Variants in ERN1 observed in about 807,000 individuals in gnomAD.
The protein encoded by ERN1 is endoplasmic reticulum to nucleus signaling 1.
A neutral mutation model predicts 113.1 loss-of-function variants in ERN1; 39 were observed. The ratio of observed to expected loss-of-function variants is 0.34; its 90% CI spans 0.27 to 0.45. ERN1 has a LOEUF of 0.45. Among genes scored for constraint, ERN1 ranks in the 20% least tolerant of loss-of-function variants. The pLI, the probability that ERN1 is intolerant of heterozygous loss-of-function variation, is 1.00. For missense variants in ERN1, 976 were observed against 1,274.8 expected, an observed-to-expected ratio of 0.77 and a Z score of 3.57; for synonymous variants, 507 against 515.9, an observed-to-expected ratio of 0.98 and a Z score of 0.23.
At chr17:64,089,647 A>G (rs1473247093) in intron 2 of ERN1, among the ~76,000 whole-genome samples, 1 of 152,190 alleles carries the variant, frequency 6.6e-6, no homozygotes, top group African/African-American at 2.4e-5. Context: ...AAATGAAGGG[A>G]AAAAGGGAGA....
chr17:64,075,162 C>T lies in ERN1; in HGVS notation c.355+13G>A, dbSNP rs763774324. 20 of 1,539,492 alleles carry T rather than the reference C, an allele frequency of 1.3e-5. No individual in the cohort carries two copies. Among genetic ancestry groups the T allele is most frequent in the Non-Finnish European group, 1.5e-5 (17 of 1,138,794 alleles). On this transcript the variant is annotated intron_variant, in intron 5 of 21. Transcript: ENST00000433197. ...TCAAAGAGACACAAGTTTCTGGAGA[C>T]AGGAACTCTTACCCATGTAGAGGAT...
At chr17:64,101,082 A>G (rs1202292215) in intron 1 of ERN1, among the ~76,000 whole-genome samples, 1 of 151,566 alleles carries the variant, frequency 6.6e-6, no homozygotes, top group Non-Finnish European at 1.5e-5. Flanking sequence ...CCCACCACAC[A>G]CCCAATGAGG....
At chr17:64,103,519 T>C (rs548051991) in intron 1 of ERN1, among the ~76,000 whole-genome samples, 8 of 139,366 alleles carry the variant, frequency 5.7e-5, no homozygotes, top group Non-Finnish European at 1.1e-4. Context: ...AAAAAAGCAA[T>C]GTTACACAAA....
rs1372100454 is a variant in ERN1, at chr17:64,068,197, C to T, written c.573G>A (p.Val191=). ...DYAASLPEDD[V]DYKMSHFVSN... is the part of the protein sequence containing the mutation. Reference sequence around the variant, plus strand: ...CCAGCAGAGAGCACTTACTGTAGTCCACGTCGTCCTCAGGCAGTGAGGCCG... The same window carrying T: ...CCAGCAGAGAGCACTTACTGTAGTCTACGTCGTCCTCAGGCAGTGAGGCCG... The change falls in exon 7 of 22, where the codon GTG becomes GTA. Residue 191 remains valine, a synonymous_variant. Coordinates refer to ENST00000433197, the MANE Select transcript of ERN1 (RefSeq NM_001433.5). The T allele has an allele frequency of 6.2e-7, 1 of 1,606,982 alleles. No individual in the cohort carries two copies.
chr17:64,071,285 C>T (rs1297746022), intron 6 of ERN1, among the ~76,000 whole-genome samples: 2 of 152,150 alleles, frequency 1.3e-5, no homozygotes, highest in Non-Finnish European at 2.9e-5. Context: ...CTTTTGAGTA[C>T]AGTTGTGAGA....
chr17:64,048,527 T>C (rs1287392708), intron 18 of ERN1, among the ~76,000 whole-genome samples: 1 of 152,154 alleles, frequency 6.6e-6, no homozygotes, highest in Non-Finnish European at 1.5e-5. Flanking sequence ...TTAGTTGTAA[T>C]TTTTTCAAAA....
chr17:64,045,576 T>G (rs1912488113), intron 19 of ERN1, 94 bp from the exon 20 acceptor site: 1 of 1,539,146 alleles, frequency 6.5e-7, no homozygotes, highest in African/African-American at 1.4e-5. Context: ...CACTGACACA[T>G]AAGCCTGCCC....
In ERN1 at chr17:64,119,376, G is replaced by GTTGTTTTTTT. The variant is rs777806993; in HGVS notation, c.54+10599_54+10600insAAAAAAACAA. ...TAATATTAGGTTCCTTTTTTTCTAG[G>GTTGTTTTTTT]TTTTTTTTTTTTTTTTTTTTTTTTT... On this transcript the variant is annotated intron_variant, in intron 1 of 21. Transcript: ENST00000433197. Among the ~76,000 whole-genome samples the GTTGTTTTTTT allele has an allele frequency of 2.2e-4, 17 of 77,910 alleles. 3 individuals carry two copies. The highest frequency in any genetic ancestry group is 4.5e-4 in the African/African-American group (8 of 17,952). 51.1% of individuals were successfully genotyped at this position (77,910 alleles called of 152,430 possible).
chr17:64,041,438 G>A lies in ERN1; in HGVS notation c.*2550C>T, dbSNP rs1488559149. 3.3e-5 allele frequency: 5 copies of A among 152,332 alleles called. No individual in the cohort carries two copies. Among genetic ancestry groups the A allele is most frequent in the South Asian group, 2.1e-4 (1 of 4,828 alleles). The allele number at this position is 152,332 out of a possible 1,614,324, so 9.4% of individuals were successfully genotyped here. A position where few individuals can be genotyped will look rare whatever the true frequency, so the allele number is the denominator to read the frequency against. On this transcript the variant is annotated 3_prime_UTR_variant, in exon 22 of 22. Coordinates refer to ENST00000433197, the MANE Select transcript of ERN1 (RefSeq NM_001433.5). Reference sequence around the variant, plus strand: ...TGATGGTGCAGAGCTGTTCTGGCCTGAAAAGAACTTTCCACTTGCTGAGCA... The same window carrying A: ...TGATGGTGCAGAGCTGTTCTGGCCTAAAAAGAACTTTCCACTTGCTGAGCA...
At chr17:64,099,219 C>T (rs1420409908) in intron 1 of ERN1, among the ~76,000 whole-genome samples, 3 of 151,444 alleles carry the variant, frequency 2.0e-5, no homozygotes, top group Non-Finnish European at 4.4e-5. Flanking sequence ...TATACATTAT[C>T]AATTAAATAT....
chr17:64,046,462 A>G (rs1014223833), intron 19 of ERN1, among the ~76,000 whole-genome samples: 1 of 152,220 alleles, frequency 6.6e-6, no homozygotes, highest in East Asian at 1.9e-4. Flanking sequence ...TTTGCGATCA[A>G]AATGACCTGG....
intron 8 of ERN1, among the ~76,000 whole-genome samples, chr17:64,066,147 C>T (rs1913217572): frequency 1.3e-5 from 2 of 152,126 alleles, no homozygotes; most frequent in Admixed American, 1.3e-4. Context: ...GTCTTGGACA[C>T]ACACACACAC....
intron 2 of ERN1, among the ~76,000 whole-genome samples, chr17:64,084,071 T>C (rs1283065921): frequency 6.6e-6 from 1 of 152,098 alleles, no homozygotes; most frequent in Non-Finnish European, 1.5e-5. Context: ...AGTGGGGTTC[T>C]AGGCTCCCCT....
At chr17:64,099,822 A>G (rs1045466465) in intron 1 of ERN1, among the ~76,000 whole-genome samples, 1 of 152,034 alleles carries the variant, frequency 6.6e-6, no homozygotes, top group Admixed American at 6.5e-5. Context: ...CAACGGAGGG[A>G]GTGAAACAGC....
At chr17:64,091,732 C>T (rs781225206) in intron 2 of ERN1, among the ~76,000 whole-genome samples, 23 of 152,078 alleles carry the variant, frequency 1.5e-4, no homozygotes, top group Non-Finnish European at 2.2e-4. Context: ...AGTAGGGCAC[C>T]TGCTGGGCAG....
intron 5 of ERN1, among the ~76,000 whole-genome samples, chr17:64,073,782 C>A (rs1374831426): frequency 6.6e-6 from 1 of 152,212 alleles, no homozygotes; most frequent in Non-Finnish European, 1.5e-5. Flanking sequence ...TGAGCCACTG[C>A]ACCTGGCCTA....
At chr17:64,047,407 A>C (rs1186203088) in intron 19 of ERN1, among the ~76,000 whole-genome samples, 1 of 152,198 alleles carries the variant, frequency 6.6e-6, no homozygotes, top group Non-Finnish European at 1.5e-5. Context: ...CTTGAATGAA[A>C]TTATATGATG....
In ERN1 at chr17:64,054,421, G is replaced by A. The variant is rs763108250; in HGVS notation, c.1782C>T (p.Arg594=). Residue 594 remains arginine, a synonymous_variant, in exon 15 of 22, where the codon CGC becomes CGT. Coordinates refer to ENST00000433197, the MANE Select transcript of ERN1 (RefSeq NM_001433.5). This position sits in a 1 kb window ranked among gnomAD's most constrained non-coding sequence, Gnocchi z 4.9. ...GGAGGATCCTCTTCACGGCCACGTC[G>A]CGGTTGTCAAACATGCCCCTGCGGG... ...TIVYRGMFDN[R]DVAVKRILPE... The A allele has an allele frequency of 1.3e-5, 21 of 1,568,456 alleles. No individual in the cohort carries two copies. Among genetic ancestry groups the A allele is most frequent in the African/African-American group, 4.1e-5 (3 of 73,606 alleles).
rs764747800 is a variant in ERN1, at chr17:64,054,481, T to A, written c.1764-42A>T. 6.1e-5 allele frequency: 93 copies of A among 1,525,052 alleles called. No homozygotes were observed. Among genetic ancestry groups the A allele is most frequent in the Non-Finnish European group, 7.5e-5 (85 of 1,127,142 alleles). The allele number at this position is 1,525,052 out of a possible 1,614,324, so 94.5% of individuals were successfully genotyped here. A position where few individuals can be genotyped will look rare whatever the true frequency, so the allele number is the denominator to read the frequency against. ...GGGAGTTGTGTCTGGGAAGCACGAG[T>A]CAGGCTGTGTAAATGAGGTGAGAAC... On this transcript the variant is annotated intron_variant, in intron 14 of 21. Coordinates refer to ENST00000433197, the MANE Select transcript of ERN1 (RefSeq NM_001433.5). The surrounding 1 kb of genome is among the most constrained non-coding windows in gnomAD (Gnocchi z 4.9).
Sources: gnomAD v4.1 joint callset for allele counts (sites outside exome capture counted in the v4.1 genomes callset) on GRCh38, gnomAD v4.1.1 for gene constraint, Gnocchi (gnomAD v3.1) non-coding constraint, MANE v1.5 for transcripts, NCBI Gene and HGNC (gene_info 2026-07-23, HGNC 2026-07-21) for gene names.